DYNC1I1: variants seen among roughly 807,000 people sequenced by gnomAD.
The protein encoded by DYNC1I1 is dynein cytoplasmic 1 intermediate chain 1.
Under a neutral mutation model 86.6 loss-of-function variants are expected in DYNC1I1, and 43 were observed. The observed-to-expected ratio is 0.50, with a 90% CI of 0.39 to 0.64. The LOEUF is 0.64. Ranked by LOEUF, DYNC1I1 falls within the 30% of genes least tolerant of loss-of-function variation. The probability of loss-of-function intolerance (pLI) is 0.00; values close to 1 mark genes in which losing one functional copy is unlikely to be tolerated. For missense variants in DYNC1I1, 604 were observed against 788.8 expected (o/e 0.77, Z 2.81); for synonymous variants, 262 against 283.7 (o/e 0.92, Z 0.77).
chr7:95,958,450 G>C (rs1276020378), intron 6 of DYNC1I1, among the ~76,000 whole-genome samples: 2 of 151,990 alleles, frequency 1.3e-5, no homozygotes, highest in African/African-American at 2.4e-5. Context: ...TAAAACATTG[G>C]CCCGGAAAGC....
intron 14 of DYNC1I1, among the ~76,000 whole-genome samples, chr7:96,074,346 G>A (rs143581596): frequency 0.035 from 5,394 of 151,986 alleles, 320 homozygotes; most frequent in African/African-American, 0.12. Flanking sequence ...TCAGGAGATC[G>A]AGACCATCCT....
chr7:96,010,914 A>G (rs908123146), intron 10 of DYNC1I1, among the ~76,000 whole-genome samples: 1 of 152,196 alleles, frequency 6.6e-6, no homozygotes, highest in Non-Finnish European at 1.5e-5. Flanking sequence ...AGTCTTCCAG[A>G]TGTGTGACAA....
intron 7 of DYNC1I1, among the ~76,000 whole-genome samples, chr7:95,984,435 CA>C (rs1318778210): frequency 6.6e-6 from 1 of 151,728 alleles, no homozygotes; most frequent in Admixed American, 6.6e-5. Context: ...GACAATAGTA[CA>C]ATAGCATAAT....
At chr7:95,921,789 T>G (rs1057410930) in intron 6 of DYNC1I1, among the ~76,000 whole-genome samples, 1 of 152,234 alleles carries the variant, frequency 6.6e-6, no homozygotes, top group Non-Finnish European at 1.5e-5. Context: ...TTGTGAGCAG[T>G]GTGATCCTAC....
chr7:95,839,006 A>G (rs769843716), intron 5 of DYNC1I1, among the ~76,000 whole-genome samples: 1 of 152,170 alleles, frequency 6.6e-6, no homozygotes, highest in East Asian at 1.9e-4. Context: ...TATTAGGTTG[A>G]ATAGTAGCTT....
chr7:95,800,623 G>A (rs1677815), intron 1 of DYNC1I1, among the ~76,000 whole-genome samples: 1 of 152,188 alleles, frequency 6.6e-6, no homozygotes, highest in African/African-American at 2.4e-5. Flanking sequence ...GTAGAGTGAA[G>A]CCGAGAGTTG....
At chr7:96,085,779 T>C (rs1308402564) in intron 16 of DYNC1I1, among the ~76,000 whole-genome samples, 1 of 152,226 alleles carries the variant, frequency 6.6e-6, no homozygotes, top group Non-Finnish European at 1.5e-5. Flanking sequence ...TGAGCCTAGC[T>C]TCTGAATAAG....
intron 2 of DYNC1I1, 108 bp from the exon 3 acceptor site, chr7:95,810,284 G>T: frequency 2.7e-6 from 2 of 752,162 alleles, no homozygotes; most frequent in South Asian, 2.2e-5. Context: ...ATCTATTTAG[G>T]GCTTTCACCT....
intron 6 of DYNC1I1, among the ~76,000 whole-genome samples, chr7:95,905,178 G>A (rs1268458558): frequency 6.6e-6 from 1 of 152,106 alleles, no homozygotes; most frequent in Non-Finnish European, 1.5e-5. Flanking sequence ...CAAATTGATG[G>A]CCTAGAATTA....
intron 15 of DYNC1I1, among the ~76,000 whole-genome samples, chr7:96,078,815 G>A (rs1186994427): frequency 6.6e-6 from 1 of 152,096 alleles, no homozygotes; most frequent in Non-Finnish European, 1.5e-5. Flanking sequence ...TAACTTTGAA[G>A]AGTCTATAGT....
At chr7:96,003,133 G>A (rs1039480943) in intron 10 of DYNC1I1, among the ~76,000 whole-genome samples, 1 of 152,202 alleles carries the variant, frequency 6.6e-6, no homozygotes, top group Non-Finnish European at 1.5e-5. Flanking sequence ...GTGAGCCATT[G>A]TACCCGGCTG....
rs1028383893 is a variant in DYNC1I1, at chr7:95,972,402, A to G, written c.491-5110A>G. On this transcript the variant is annotated intron_variant, in intron 6 of 16. Transcript: ENST00000447467. ...TCTCAGCTCTGACTCCAAGGATCCA[A>G]AGACAAAGCCTGAGTTAGGAGCGAC... Among the ~76,000 whole-genome samples, 11 of 152,214 alleles carry G rather than the reference A, an allele frequency of 7.2e-5. No homozygotes were observed. The South Asian group carries it at 2.1e-3, about 29-fold the overall frequency.
At chr7:95,942,315 A>C (rs1792251111) in intron 6 of DYNC1I1, among the ~76,000 whole-genome samples, 1 of 152,212 alleles carries the variant, frequency 6.6e-6, no homozygotes, top group Non-Finnish European at 1.5e-5. Flanking sequence ...TCCCAAGACT[A>C]AACCAGGAAG....
At chr7:96,071,320 C>T (rs2116224054) in intron 14 of DYNC1I1, among the ~76,000 whole-genome samples, 1 of 152,234 alleles carries the variant, frequency 6.6e-6, no homozygotes, top group East Asian at 1.9e-4. Context: ...GGTAACAAAG[C>T]ACGTAATAAA....
intron 5 of DYNC1I1, among the ~76,000 whole-genome samples, chr7:95,860,274 T>A (rs778659712): frequency 6.6e-6 from 1 of 152,202 alleles, no homozygotes; most frequent in Non-Finnish European, 1.5e-5. Context: ...GCTTATATGA[T>A]GTTGACCAAA....
At chr7:95,908,007 T>A (rs1340647331) in intron 6 of DYNC1I1, among the ~76,000 whole-genome samples, 1 of 152,206 alleles carries the variant, frequency 6.6e-6, no homozygotes, top group Non-Finnish European at 1.5e-5. Flanking sequence ...TTGTTAACTA[T>A]GTTTTATTTA....
chr7:96,025,243 T>C (rs577881577), intron 10 of DYNC1I1, among the ~76,000 whole-genome samples: 108 of 152,314 alleles, frequency 7.1e-4, no homozygotes, highest in African/African-American at 2.4e-3. Context: ...TGATAGTGCA[T>C]AGTGTGGTGT....
intron 14 of DYNC1I1, among the ~76,000 whole-genome samples, chr7:96,075,481 G>A (rs992033507): frequency 6.6e-6 from 1 of 152,174 alleles, no homozygotes; most frequent in Non-Finnish European, 1.5e-5. Context: ...TTACCTCCTG[G>A]AAGAGCAGTA....
chr7:96,101,306 T>G (rs1304347848), downstream of DYNC1I1, among the ~76,000 whole-genome samples: 2 of 152,178 alleles, frequency 1.3e-5, no homozygotes, highest in African/African-American at 4.8e-5. Flanking sequence ...CGCAGGAGAC[T>G]GAAGACTGTT....
Sources: gnomAD v4.1 joint callset for allele counts (sites outside exome capture counted in the v4.1 genomes callset) on GRCh38, gnomAD v4.1.1 for gene constraint, MANE v1.5 for transcripts, NCBI Gene and HGNC (gene_info 2026-07-23, HGNC 2026-07-21) for gene names.